Variants in SPRY3 observed in about 807,000 individuals in gnomAD.
SPRY3 encodes protein sprouty homolog 3.
Under a neutral mutation model 20.2 loss-of-function variants are expected in SPRY3, and 15 were observed. The observed-to-expected ratio is 0.74, with a 90% CI of 0.50 to 1.14. The LOEUF is 1.14. Among genes scored for constraint, SPRY3 ranks in the 50% most tolerant of loss-of-function variants. The pLI, the probability that SPRY3 is intolerant of heterozygous loss-of-function variation, is 0.00. For synonymous variants in SPRY3, 143 were observed against 136.5 expected (o/e 1.05, Z -0.33); for missense variants, 364 against 363.9 (o/e 1.00, Z 0.00).
rs1012367666 is a variant in SPRY3 at position 155,685,807 on chromosome X, C to T, written c.-282+28782C>T. ...TTTTTGAGATGGAGTCTTGCTCCGT[C>T]GCCAGGATGGAGTGCAGTGGCGCGA... On this transcript the variant is annotated intron_variant, in intron 2 of 3. Coordinates refer to ENST00000675360, the Ensembl canonical transcript of SPRY3. Among the ~76,000 whole-genome samples the T allele has an allele frequency of 2.7e-5, 3 of 110,694 alleles. 1 individual carries two copies. The highest frequency in any genetic ancestry group is 9.8e-5 in the African/African-American group (3 of 30,507).
intron 1 of SPRY3, among the ~76,000 whole-genome samples, chrX:155,623,365 G>T: frequency 9.0e-6 from 1 of 111,275 alleles, no homozygotes; most frequent in Non-Finnish European, 1.9e-5. Flanking sequence ...AGAGGAATGG[G>T]CACTTTTCTG....
intron 2 of SPRY3, among the ~76,000 whole-genome samples, chrX:155,670,205 T>C (rs781895456): frequency 1.2e-4 from 13 of 111,778 alleles, no homozygotes; most frequent in African/African-American, 3.6e-4. Flanking sequence ...CTAGAACTTG[T>C]GCTCATAGCC....
At chrX:155,708,209 G>A (rs144778423) in intron 2 of SPRY3, among the ~76,000 whole-genome samples, 487 of 151,252 alleles carry the variant, frequency 3.2e-3, no homozygotes, top group African/African-American at 0.011. Context: ...TGATCTCTTA[G>A]CAGTGAATTT....
intron 2 of SPRY3, among the ~76,000 whole-genome samples, chrX:155,760,446 T>TGGCA (rs2091299643): frequency 6.6e-6 from 1 of 152,194 alleles, no homozygotes; most frequent in Non-Finnish European, 1.5e-5. Context: ...GGGACTCAGT[T>TGGCA]GGCAGATTCT....
intron 2 of SPRY3, among the ~76,000 whole-genome samples, chrX:155,705,688 C>G (rs1357931066): frequency 2.6e-5 from 4 of 151,168 alleles, no homozygotes; most frequent in Admixed American, 6.6e-5. Flanking sequence ...AATGCAAACA[C>G]TAGCTGAAAC....
At chrX:155,730,584 G>T (rs1022306896) in intron 2 of SPRY3, among the ~76,000 whole-genome samples, 25 of 150,412 alleles carry the variant, frequency 1.7e-4, no homozygotes, top group Non-Finnish European at 3.3e-4. Context: ...CTAGTATCAT[G>T]CTGAATGGGG....
downstream of SPRY3, chrX:155,781,253 GTTTCTCTCCTTC>G (rs1297683082): frequency 6.0e-6 from 1 of 166,894 alleles, no homozygotes; most frequent in Non-Finnish European, 1.5e-5. Context: ...AAATGACAAG[GTTTCTCTCCTTC>G]AGAGAGAAAT....
chrX:155,663,834 A>C (rs2068017170), intron 2 of SPRY3, among the ~76,000 whole-genome samples: 1 of 111,553 alleles, frequency 9.0e-6, no homozygotes, highest in Admixed American at 9.6e-5. Flanking sequence ...CAATTTTTCT[A>C]AATAGCAAAA....
intron 2 of SPRY3, among the ~76,000 whole-genome samples, chrX:155,728,214 A>C (rs757269228): frequency 2.6e-5 from 4 of 152,268 alleles, no homozygotes; most frequent in Non-Finnish European, 1.5e-5. Flanking sequence ...ACCTGCCTGT[A>C]TGAAGTGTCT....
intron 2 of SPRY3, among the ~76,000 whole-genome samples, chrX:155,736,166 C>T (rs889173592): frequency 6.6e-6 from 1 of 151,932 alleles, no homozygotes; most frequent in Non-Finnish European, 1.5e-5. Flanking sequence ...AAGCGATATC[C>T]AACATATCAT....
intron 2 of SPRY3, among the ~76,000 whole-genome samples, chrX:155,762,940 A>G (rs2091310143): frequency 6.6e-6 from 1 of 152,192 alleles, no homozygotes; most frequent in South Asian, 2.1e-4. Flanking sequence ...ACTATTCACA[A>G]TGGCAAAGAC....
At chrX:155,763,308 G>C (rs2091311658) in intron 2 of SPRY3, among the ~76,000 whole-genome samples, 1 of 151,940 alleles carries the variant, frequency 6.6e-6, no homozygotes, top group Admixed American at 6.6e-5. Context: ...CAACTTCTCA[G>C]TATGCAATGG....
At chrX:155,726,571 T>C (rs1447772587) in intron 2 of SPRY3, among the ~76,000 whole-genome samples, 1 of 152,194 alleles carries the variant, frequency 6.6e-6, no homozygotes, top group Non-Finnish European at 1.5e-5. Flanking sequence ...TACCATTATG[T>C]AATGGCCTTC....
intron 1 of SPRY3, among the ~76,000 whole-genome samples, chrX:155,640,071 C>A (rs929691446): frequency 1.6e-4 from 18 of 111,665 alleles, no homozygotes; most frequent in Non-Finnish European, 1.7e-4. Context: ...TTGTTTTTCA[C>A]TATCGAGTTG....
At position 155,765,865 on chromosome X, in the gene SPRY3, G is replaced by A. The variant is rs1308739340; in HGVS notation, c.-281-2097G>A. ...AACATTCATAGCTACTATTCATGGG[G>A]TGCTTGCTATATGCCAGAGAGGTTA... is the stretch of plus-strand genomic sequence containing the variant. On this transcript the variant is annotated intron_variant, in intron 2 of 3. Transcript: ENST00000675360. Among the ~76,000 whole-genome samples the A allele has an allele frequency of 3.3e-5, 5 of 152,334 alleles. No individual in the cohort carries two copies. In the East Asian group the frequency reaches 9.6e-4, roughly 29 times the overall value.
intron 2 of SPRY3, among the ~76,000 whole-genome samples, chrX:155,747,898 G>A (rs1268457474): frequency 2.6e-5 from 4 of 151,726 alleles, no homozygotes; most frequent in African/African-American, 9.7e-5. Flanking sequence ...GATGCACTTG[G>A]ATAAAGCAGC....
chrX:155,634,023 G>A (rs1557350754), intron 1 of SPRY3, among the ~76,000 whole-genome samples: 1 of 110,404 alleles, frequency 9.1e-6, no homozygotes. Flanking sequence ...GGAGGTTGCA[G>A]TGAGCCGAGG....
chrX:155,636,591 AT>A (rs1557351048), intron 1 of SPRY3, among the ~76,000 whole-genome samples: 5 of 110,702 alleles, frequency 4.5e-5, no homozygotes, highest in Non-Finnish European at 9.5e-5. Flanking sequence ...GTATGTATGT[AT>A]GTATGTACGT....
chrX:155,623,151 G>A (rs2067876846), intron 1 of SPRY3, among the ~76,000 whole-genome samples: 2 of 111,742 alleles, frequency 1.8e-5, no homozygotes, highest in Non-Finnish European at 3.8e-5. Context: ...CAACTTAAAG[G>A]ATACTGGGCC....
Sources: gnomAD v4.1 joint callset for allele counts (sites outside exome capture counted in the v4.1 genomes callset) on GRCh38, gnomAD v4.1.1 for gene constraint, MANE v1.5 for transcripts, NCBI Gene and HGNC (gene_info 2026-07-23, HGNC 2026-07-21) for gene names.